Variants in TSKS observed in about 807,000 individuals in gnomAD.
TSKS encodes testis-specific serine kinase substrate.
TSKS carries 27 observed loss-of-function variants against 68.0 expected under a neutral mutation model. The observed-to-expected ratio is 0.40, with a 90% CI of 0.29 to 0.55. The LOEUF is 0.55. Ranked by LOEUF, TSKS falls within the 20% of genes least tolerant of loss-of-function variation. The probability of loss-of-function intolerance (pLI) is 0.53; values close to 1 mark genes in which losing one functional copy is unlikely to be tolerated. For synonymous variants in TSKS, 331 were observed against 340.4 expected (o/e 0.97, Z 0.30); for missense variants, 806 against 776.0 (o/e 1.04, Z -0.46).
chr19:49,748,027 A>G, intron 4 of TSKS, 58 bp downstream of exon 4: 1 of 1,531,910 alleles, frequency 6.5e-7, no homozygotes, highest in African/African-American at 1.4e-5. Context: ...TCTTTCTCCC[A>G]CCCTCTTCTT....
chr19:49,740,285 A>T, intron 9 of TSKS, 102 bp from the exon 10 acceptor site: 6 of 1,392,660 alleles, frequency 4.3e-6, no homozygotes, highest in Non-Finnish European at 5.7e-6. Context: ...CATGGGGCCC[A>T]CATTTCTCCC....
intron 1 of TSKS, among the ~76,000 whole-genome samples, chr19:49,762,487 G>A (rs574044550): frequency 1.2e-4 from 18 of 147,308 alleles, no homozygotes; most frequent in African/African-American, 4.0e-4. Context: ...GCAGTGGCGC[G>A]ATCTCAGCTC....
intron 2 of TSKS, among the ~76,000 whole-genome samples, 194 bp downstream of exon 2, chr19:49,761,810 A>G (rs529525012): frequency 1.3e-5 from 2 of 152,270 alleles, no homozygotes; most frequent in African/African-American, 4.8e-5. Context: ...GGAAGAAAAA[A>G]AAAAGACCAA....
intron 4 of TSKS, 46 bp downstream of exon 4, chr19:49,748,039 C>T: frequency 1.3e-6 from 2 of 1,570,358 alleles, no homozygotes; most frequent in African/African-American, 1.3e-5. Flanking sequence ...CCTCTTCTTA[C>T]TCCCATTCCC....
chr19:49,756,741 G>A (rs555920863), intron 2 of TSKS, among the ~76,000 whole-genome samples: 2 of 152,254 alleles, frequency 1.3e-5, no homozygotes, highest in Admixed American at 1.3e-4. Flanking sequence ...GTATGAGCTG[G>A]ACTTGGTGAC....
In TSKS at chr19:49,763,007, G is replaced by T; in HGVS notation, c.170+71C>A. 1 of 1,517,820 alleles carries T rather than the reference G, an allele frequency of 6.6e-7. No individual in the cohort carries two copies. The highest frequency in any genetic ancestry group is 8.8e-7 in the Non-Finnish European group (1 of 1,131,086). The allele number at this position is 1,517,820 out of a possible 1,614,324, so 94.0% of individuals were successfully genotyped here. On this transcript the variant is annotated intron_variant, in intron 1 of 10. Coordinates refer to ENST00000246801, the MANE Select transcript of TSKS (RefSeq NM_021733.2). This position sits in a 1 kb window ranked among gnomAD's most constrained non-coding sequence, Gnocchi z 4.5. ...CCCTCCCCTTCCTCTAGCACCCACA[G>T]TCGGACTCCTGCTCTGTTGGAGGTA...
At position 49,748,360 on chromosome 19, in the gene TSKS, G is replaced by A. The variant is rs2084320523; in HGVS notation, c.495+14C>T. 2 of 1,612,374 alleles carry A rather than the reference G, an allele frequency of 1.2e-6. No homozygotes were observed. The highest frequency in any genetic ancestry group is 8.5e-7 in the Non-Finnish European group (1 of 1,178,700). On this transcript the variant is annotated intron_variant, in intron 3 of 10. Transcript: ENST00000246801. ...GGAGGAAGGGCAGGTGTTGGATATAGGGGGTCCTCACACCTGCAGAGACTG... is the reference window on the plus strand; with the variant it reads ...GGAGGAAGGGCAGGTGTTGGATATAAGGGGTCCTCACACCTGCAGAGACTG...
intron 8 of TSKS, among the ~76,000 whole-genome samples, chr19:49,742,642 C>A (rs1395430905): frequency 1.3e-5 from 2 of 151,660 alleles, no homozygotes; most frequent in African/African-American, 4.8e-5. Context: ...GTATTACAGG[C>A]ACCCGCCAGC....
intron 9 of TSKS, among the ~76,000 whole-genome samples, chr19:49,741,135 G>A (rs1440764988): frequency 2.0e-5 from 3 of 151,990 alleles, no homozygotes; most frequent in Non-Finnish European, 4.4e-5. Flanking sequence ...CCGAGATTGC[G>A]CCACTGCACT....
chr19:49,748,542 A>T, intron 2 of TSKS, 73 bp from the exon 3 acceptor site: 1 of 1,433,634 alleles, frequency 7.0e-7, no homozygotes, highest in South Asian at 1.2e-5. Context: ...AGAATTCCAG[A>T]ACTGGGAGGC....
intron 2 of TSKS, among the ~76,000 whole-genome samples, chr19:49,757,961 G>A (rs1482480853): frequency 2.7e-5 from 4 of 149,876 alleles, no homozygotes; most frequent in African/African-American, 9.9e-5. Flanking sequence ...CACGATCTCG[G>A]CTCTCTGCAA....
Position 49,746,488 on chromosome 19 carries a change from G to A in TSKS, c.974C>T (p.Thr325Ile), listed in dbSNP as rs765794291. Residue 325 changes from threonine (T) to isoleucine (I), a missense_variant, in exon 6 of 11, where the codon ACC becomes ATC. Thr to Ile is a moderately conservative substitution (Grantham distance 89). Transcript: ENST00000246801. ...CGCCCACCTCAGCTCTTCGATGCCG[G>A]TGAACAGCTTCTGCAATTCCTGCTC... ...VSEQELQKLF[T>I]GIEELRREVS... is the part of the protein sequence containing the mutation. 10 of 1,613,988 alleles carry A rather than the reference G, an allele frequency of 6.2e-6. No individual in the cohort carries two copies. The South Asian group carries it at 9.9e-5, about 16-fold the overall frequency.
At chr19:49,747,027 G>A (rs1348220009) in intron 5 of TSKS, 32 of 1,244,378 alleles carry the variant, frequency 2.6e-5, no homozygotes, top group South Asian at 4.5e-5. Flanking sequence ...GTATCCACCC[G>A]GCCCTCCAAG....
Position 49,744,240 on chromosome 19 carries a change from C to T in TSKS, c.1352G>A (p.Arg451His), listed in dbSNP as rs754148465. 5.6e-6 allele frequency: 9 copies of T among 1,611,844 alleles called. No homozygotes were observed. The highest frequency in any genetic ancestry group is 5.0e-5 in the Admixed American group (3 of 59,926). Residue 451 changes from arginine (R) to histidine (H), a missense_variant, in exon 8 of 11, where the codon CGC becomes CAC. Arg to His is a conservative substitution (Grantham distance 29). Transcript: ENST00000246801. ...AGCCCAGCCCCGTTACCTGGCACAG[C>T]GGGCACAGTTGCCTTGGTGGGACCG... The part of the protein sequence containing the change: ...LDRSHQGNCA[R>H]CASQGSQLST...
At chr19:49,748,211 G>A (rs767874599) in intron 3 of TSKS, 43 bp from the exon 4 acceptor site, 1 of 1,604,222 alleles carries the variant, frequency 6.2e-7, no homozygotes, top group South Asian at 1.1e-5. Context: ...GACACGAGGG[G>A]ACAGCCTGTG....
rs1005715163 is a variant in TSKS, at chr19:49,746,573, C to T, written c.889G>A (p.Gly297Ser). Residue 297 changes from glycine (G) to serine (S), a missense_variant, in exon 6 of 11, where the codon GGC becomes AGC. Gly to Ser is a moderately conservative substitution (Grantham distance 56, BLOSUM62 0). Transcript: ENST00000246801. ...GSPDKPSRPH[G>S]LVPAGWGMGP... ...ATTCCCCAGCCTGCGGGGACCAGGC[C>T]GTGTGGCCGCGAGGGTTTGTCGGGA... The T allele has an allele frequency of 3.7e-6, 6 of 1,612,740 alleles. No individual in the cohort carries two copies. Among genetic ancestry groups the T allele is most frequent in the Admixed American group, 3.3e-5 (2 of 59,948 alleles).
At chr19:49,743,612 C>T (rs1267873104) in intron 8 of TSKS, among the ~76,000 whole-genome samples, 1 of 151,634 alleles carries the variant, frequency 6.6e-6, no homozygotes, top group Non-Finnish European at 1.5e-5. Context: ...ATTCTCCTGC[C>T]TCAGCCTTCC....
chr19:49,746,705 C>T lies in TSKS; in HGVS notation c.757G>A (p.Glu253Lys). The T allele has an allele frequency of 5.0e-6, 8 of 1,601,968 alleles. No homozygotes were observed. The highest frequency in any genetic ancestry group is 6.8e-6 in the Non-Finnish European group (8 of 1,178,302). ...LQEPEEKQEP[E>K]EKQEPEEKQK... Reference sequence around the variant, plus strand: ...TTCTCCTCCGGCTCCTGCTTCTCCTCCGGCTCCTGCTTCTCCTCCGGCTCC... The same window carrying T: ...TTCTCCTCCGGCTCCTGCTTCTCCTTCGGCTCCTGCTTCTCCTCCGGCTCC... Residue 253 changes from glutamate (E) to lysine (K), a missense_variant, in exon 6 of 11, where the codon GAG becomes AAG. Physicochemically the swap from Glu to Lys is moderately conservative, Grantham distance 56. Transcript: ENST00000246801.
At chr19:49,758,803 C>T (rs146805720) in intron 2 of TSKS, among the ~76,000 whole-genome samples, 1 of 152,226 alleles carries the variant, frequency 6.6e-6, no homozygotes, top group South Asian at 2.1e-4. Flanking sequence ...CTGCTTCTTA[C>T]AACCCCTCCA....
Sources: gnomAD v4.1 joint callset for allele counts (sites outside exome capture counted in the v4.1 genomes callset) on GRCh38, gnomAD v4.1.1 for gene constraint, Gnocchi (gnomAD v3.1) non-coding constraint, MANE v1.5 for transcripts, NCBI Gene and HGNC (gene_info 2026-07-23, HGNC 2026-07-21) for gene names.